Variants in SLC14A2 observed in about 807,000 individuals in gnomAD.
SLC14A2 encodes the protein solute carrier family 14 member 2.
In SLC14A2, 91 loss-of-function variants were observed where a neutral mutation model predicts 104.6. The ratio of observed to expected loss-of-function variants is 0.87; its 90% CI spans 0.73 to 1.04. The LOEUF is 1.04. Ranked by LOEUF, SLC14A2 falls within the 50% of genes least tolerant of loss-of-function variation. The probability of loss-of-function intolerance (pLI) is 0.00; values close to 1 mark genes in which losing one functional copy is unlikely to be tolerated. For synonymous variants in SLC14A2, 476 were observed against 466.4 expected, an observed-to-expected ratio of 1.02 and a Z score of -0.27; for missense variants, 1,189 against 1,156.0, an observed-to-expected ratio of 1.03 and a Z score of -0.41.
At chr18:45,467,355 G>A (rs759392247) in intron 1 of SLC14A2, among the ~76,000 whole-genome samples, 14 of 152,148 alleles carry the variant, frequency 9.2e-5, no homozygotes, top group Non-Finnish European at 1.8e-4. Context: ...CGGATGTTAT[G>A]TCATTTCCCC....
intron 2 of SLC14A2, chr18:45,542,398 T>G (rs2043905163): frequency 6.6e-6 from 1 of 151,906 alleles, no homozygotes. Context: ...TCGAGTAGAA[T>G]TTGGCAAAAA....
intron 2 of SLC14A2, among the ~76,000 whole-genome samples, chr18:45,487,076 A>G (rs943374374): frequency 1.3e-5 from 2 of 152,244 alleles, no homozygotes; most frequent in Non-Finnish European, 2.9e-5. Context: ...TTTTACATAC[A>G]GTTCTGTAGG....
At chr18:45,263,539 G>T (rs996678331) in intron 1 of SLC14A2, among the ~76,000 whole-genome samples, 24 of 152,078 alleles carry the variant, frequency 1.6e-4, no homozygotes, top group African/African-American at 5.8e-4. Context: ...AGCACACATT[G>T]GTGGATCTTG....
At chr18:45,473,010 G>A (rs1469263205) in intron 1 of SLC14A2, among the ~76,000 whole-genome samples, 2 of 152,120 alleles carry the variant, frequency 1.3e-5, no homozygotes, top group African/African-American at 2.4e-5. Context: ...GTGGTTTTAG[G>A]TCTTACATTT....
chr18:45,443,742 T>G (rs149267655), intron 1 of SLC14A2, among the ~76,000 whole-genome samples: 1,854 of 152,204 alleles, frequency 0.012, 28 homozygotes, highest in South Asian at 0.075. Flanking sequence ...GAGAAAGACT[T>G]TTGCTTCTGA....
At chr18:45,328,289 C>T (rs865861612) in intron 1 of SLC14A2, among the ~76,000 whole-genome samples, 3 of 152,150 alleles carry the variant, frequency 2.0e-5, no homozygotes, top group Non-Finnish European at 2.9e-5. Flanking sequence ...CCCCAGCAAA[C>T]GCATCTCAGG....
chr18:45,226,459 C>A (rs2084117833), intron 1 of SLC14A2, among the ~76,000 whole-genome samples: 1 of 151,910 alleles, frequency 6.6e-6, no homozygotes, highest in Non-Finnish European at 1.5e-5. Flanking sequence ...GAAAATGTGG[C>A]ATATATACAC....
At chr18:45,524,813 C>T (rs1435919940) in intron 2 of SLC14A2, among the ~76,000 whole-genome samples, 1 of 152,148 alleles carries the variant, frequency 6.6e-6, no homozygotes, top group African/African-American at 2.4e-5. Flanking sequence ...AAGATAGAGG[C>T]ACCATGGCCC....
intron 2 of SLC14A2, among the ~76,000 whole-genome samples, chr18:45,546,814 C>T (rs2043977634): frequency 1.3e-5 from 2 of 152,176 alleles, no homozygotes; most frequent in Admixed American, 6.5e-5. Context: ...CATTGCCAGG[C>T]AAATACTAAG....
In SLC14A2 at chr18:45,233,006, C is replaced by T. The variant is rs1035594491; in HGVS notation, c.-125+19815C>T. The stretch of plus-strand genomic sequence containing the variant: ...TTAATTGTCTGTAGGAGATTTTTAC[C>T]ACTTGAATCTCATTCCTTTTGGGTG... On this transcript the variant is annotated intron_variant, in intron 1 of 20. Coordinates refer to the SLC14A2 transcript ENST00000586448. Among the ~76,000 whole-genome samples the T allele has an allele frequency of 2.6e-5, 4 of 152,152 alleles. No individual in the cohort carries two copies. In the East Asian group the frequency reaches 5.8e-4, roughly 22 times the overall value.
chr18:45,258,707 G>A lies in SLC14A2; in HGVS notation c.-125+45516G>A, dbSNP rs1426089905. ...TTATAGTATCTTATTTTCCAGTAAC[G>A]TCATCCACGTGGTCCTTTGCAGTTT... On this transcript the variant is annotated intron_variant, in intron 1 of 20. Transcript: ENST00000586448. Among the ~76,000 whole-genome samples the A allele has an allele frequency of 1.4e-5, 2 of 142,750 alleles. 1 individual carries two copies. Among genetic ancestry groups the A allele is most frequent in the Admixed American group, 1.4e-4 (2 of 14,654 alleles). 93.6% of individuals were successfully genotyped at this position (142,750 alleles called of 152,430 possible). A position where few individuals can be genotyped will look rare whatever the true frequency, so the allele number is the denominator to read the frequency against.
chr18:45,350,641 C>T (rs1477933439), intron 1 of SLC14A2, among the ~76,000 whole-genome samples: 5 of 152,240 alleles, frequency 3.3e-5, no homozygotes, highest in African/African-American at 7.2e-5. Flanking sequence ...ATGCCGCTGA[C>T]GCACACCACT....
At chr18:45,243,582 G>C (rs1439483786) in intron 1 of SLC14A2, among the ~76,000 whole-genome samples, 2 of 152,232 alleles carry the variant, frequency 1.3e-5, no homozygotes, top group Non-Finnish European at 2.9e-5. Context: ...GTTCCTTGTA[G>C]AGAGAAAAGT....
At chr18:45,452,139 T>A (rs776820789) in intron 1 of SLC14A2, among the ~76,000 whole-genome samples, 1 of 152,156 alleles carries the variant, frequency 6.6e-6, no homozygotes, top group Non-Finnish European at 1.5e-5. Flanking sequence ...CACTCTCAAG[T>A]TCTGATTTGA....
At chr18:45,389,189 C>T (rs956002196) in intron 1 of SLC14A2, among the ~76,000 whole-genome samples, 2 of 152,344 alleles carry the variant, frequency 1.3e-5, no homozygotes, top group Non-Finnish European at 2.9e-5. Context: ...AGCTATTGGG[C>T]TGGCTATGGA....
chr18:45,281,344 C>T (rs1599640003), intron 1 of SLC14A2, among the ~76,000 whole-genome samples: 1 of 152,130 alleles, frequency 6.6e-6, no homozygotes, highest in Admixed American at 6.5e-5. Context: ...CACACGTGCA[C>T]GTGGACAGAC....
intron 1 of SLC14A2, among the ~76,000 whole-genome samples, chr18:45,218,174 C>G (rs940133863): frequency 6.6e-6 from 1 of 152,150 alleles, no homozygotes; most frequent in Non-Finnish European, 1.5e-5. Flanking sequence ...ATAATAACTC[C>G]TCACCCCTTC....
chr18:45,256,783 T>C (rs778874448), intron 1 of SLC14A2, among the ~76,000 whole-genome samples: 1 of 152,194 alleles, frequency 6.6e-6, no homozygotes, highest in Non-Finnish European at 1.5e-5. Context: ...TTTTCTTGAC[T>C]GTGTTGGGAA....
chr18:45,183,551 T>G, the SLC14A2 span, among the ~76,000 whole-genome samples: 1 of 152,190 alleles, frequency 6.6e-6, no homozygotes, highest in South Asian at 2.1e-4. Flanking sequence ...GCTTTGTTAG[T>G]GTAGATTATT....
Sources: allele counts gnomAD v4.1 joint callset (sites outside exome capture counted in the v4.1 genomes callset), GRCh38; gene constraint gnomAD v4.1.1; transcripts MANE v1.5; gene names NCBI Gene and HGNC (gene_info 2026-07-23, HGNC 2026-07-21).